Variants in RNF130 observed in about 807,000 individuals in gnomAD.
RNF130 encodes E3 ubiquitin-protein ligase RNF130.
In RNF130, 21 loss-of-function variants were observed where a neutral mutation model predicts 44.6. That is an observed-to-expected ratio of 0.47 (90% CI 0.33 to 0.68). RNF130 has a LOEUF of 0.68. Among genes scored for constraint, RNF130 ranks in the 30% least tolerant of loss-of-function variants. The probability of loss-of-function intolerance (pLI) is 0.02; values close to 1 mark genes in which losing one functional copy is unlikely to be tolerated. For missense variants in RNF130, 479 were observed against 560.6 expected, an observed-to-expected ratio of 0.85 and a Z score of 1.47; for synonymous variants, 214 against 210.4, an observed-to-expected ratio of 1.02 and a Z score of -0.15.
rs536417552 is a variant in RNF130, at chr5:179,967,405, T to C, written c.946-395A>G. Among the ~76,000 whole-genome samples, 6 of 152,314 alleles carry C rather than the reference T, an allele frequency of 3.9e-5. No homozygotes were observed. The South Asian group carries it at 1.2e-3, about 32-fold the overall frequency. Reference sequence around the variant, plus strand: ...ATCCCAGGTAATAGAAAACACCTCTTTCATCCTACTAACTTCTCTAAAAGC... The same window carrying C: ...ATCCCAGGTAATAGAAAACACCTCTCTCATCCTACTAACTTCTCTAAAAGC... On this transcript the variant is annotated intron_variant, in intron 6 of 8. Coordinates refer to ENST00000521389, the MANE Select transcript of RNF130 (RefSeq NM_018434.6).
At chr5:180,016,001 C>T (rs962125174) in intron 2 of RNF130, among the ~76,000 whole-genome samples, 3 of 152,176 alleles carry the variant, frequency 2.0e-5, no homozygotes, top group Non-Finnish European at 2.9e-5. Context: ...AAAATCCACA[C>T]GCCCTCAGGA....
At chr5:179,986,077 TATA>T (rs1201033576) in intron 3 of RNF130, among the ~76,000 whole-genome samples, 9 of 152,372 alleles carry the variant, frequency 5.9e-5, no homozygotes, top group Non-Finnish European at 7.3e-5. Flanking sequence ...TAAGTTGTCA[TATA>T]ATGACTTTTC....
chr5:180,049,199 T>G (rs996137233), intron 1 of RNF130, among the ~76,000 whole-genome samples: 2 of 152,096 alleles, frequency 1.3e-5, no homozygotes, highest in South Asian at 2.1e-4. Flanking sequence ...TCCAAGCGCT[T>G]TGACACAGGG....
At chr5:180,071,170 C>T (rs1424076343) in intron 1 of RNF130, among the ~76,000 whole-genome samples, 1 of 152,248 alleles carries the variant, frequency 6.6e-6, no homozygotes, top group Non-Finnish European at 1.5e-5. Flanking sequence ...TCTACGCTGT[C>T]CCTGCAAACT....
chr5:179,929,802 C>A (rs569115668), intron 7 of RNF130, among the ~76,000 whole-genome samples: 59 of 152,028 alleles, frequency 3.9e-4, no homozygotes, highest in Non-Finnish European at 8.1e-4. Flanking sequence ...ACACCCACAC[C>A]CACCCACTGG....
chr5:180,071,657 C>A lies in RNF130; in HGVS notation c.46G>T (p.Ala16Ser), dbSNP rs1361593114. 1 of 1,450,622 alleles carries A rather than the reference C, an allele frequency of 6.9e-7. No homozygotes were observed. 89.9% of individuals were successfully genotyped at this position (1,450,622 alleles called of 1,614,324 possible). A position where few individuals can be genotyped will look rare whatever the true frequency, so the allele number is the denominator to read the frequency against. The stretch of plus-strand genomic sequence containing the variant: ...GGCCACAGGCTGCAGGTCAGCAGGG[C>A]GAGCGCGGCGAGCCGGGCAGGGCCC... ...RAGPARLAAL[A>S]LLTCSLWPAR... Residue 16 changes from alanine to serine, a missense_variant, in exon 1 of 9, where the codon GCC becomes TCC. Ala to Ser is a moderately conservative substitution (Grantham distance 99). Around this residue, in one of 3 missense-constraint regions of RNF130, gnomAD observed 138 missense variants for 126.9 expected, o/e 1.09. Coordinates refer to ENST00000521389, the MANE Select transcript of RNF130 (RefSeq NM_018434.6).
chr5:179,958,517 A>G (rs1308306940), intron 8 of RNF130, among the ~76,000 whole-genome samples: 1 of 152,170 alleles, frequency 6.6e-6, no homozygotes, highest in Non-Finnish European at 1.5e-5. Flanking sequence ...ACAATTCAAG[A>G]GGGACCCTCA....
At chr5:180,050,910 C>A (rs1037703959) in intron 1 of RNF130, among the ~76,000 whole-genome samples, 5 of 152,078 alleles carry the variant, frequency 3.3e-5, no homozygotes, top group Non-Finnish European at 5.9e-5. Flanking sequence ...CTCAAGTAAT[C>A]CTCCCACCTC....
chr5:180,005,182 C>G (rs1233979489), intron 3 of RNF130, among the ~76,000 whole-genome samples: 4 of 152,180 alleles, frequency 2.6e-5, no homozygotes, highest in Non-Finnish European at 4.4e-5. Flanking sequence ...AATCCCAGCA[C>G]TTTGGGAGGC....
chr5:180,035,704 A>C (rs910364558), intron 2 of RNF130, among the ~76,000 whole-genome samples: 1 of 152,204 alleles, frequency 6.6e-6, no homozygotes, highest in African/African-American at 2.4e-5. Context: ...TGTGTCTGAC[A>C]GTGTCCCACA....
At chr5:180,037,118 A>G (rs904602934) in intron 2 of RNF130, among the ~76,000 whole-genome samples, 2 of 152,256 alleles carry the variant, frequency 1.3e-5, no homozygotes, top group Non-Finnish European at 2.9e-5. Context: ...ATCCACTGAC[A>G]GTTAACTGCT....
intron 2 of RNF130, among the ~76,000 whole-genome samples, chr5:180,028,449 G>A (rs1222906431): frequency 1.3e-5 from 2 of 152,108 alleles, no homozygotes; most frequent in South Asian, 2.1e-4. Context: ...TTTGATTCAT[G>A]TGGTTCGTCT....
chr5:179,922,264 TG>T (rs1167411407), intron 7 of RNF130, among the ~76,000 whole-genome samples: 1 of 149,470 alleles, frequency 6.7e-6, no homozygotes, highest in African/African-American at 2.6e-5. Context: ...TGAAGTGTTT[TG>T]TTCAAATCTT....
chr5:179,950,767 T>C (rs1477798436), downstream of RNF130, among the ~76,000 whole-genome samples: 1 of 152,164 alleles, frequency 6.6e-6, no homozygotes, highest in Non-Finnish European at 1.5e-5. Flanking sequence ...AGAAAGCACA[T>C]TAAGTTAGTA....
intron 7 of RNF130, among the ~76,000 whole-genome samples, chr5:179,947,894 G>GT (rs1188685098): frequency 6.6e-6 from 1 of 151,878 alleles, no homozygotes; most frequent in Non-Finnish European, 1.5e-5. Flanking sequence ...ATATATGCAT[G>GT]TAAGAATATG....
At chr5:180,019,898 C>T (rs921459790) in intron 2 of RNF130, among the ~76,000 whole-genome samples, 8 of 152,174 alleles carry the variant, frequency 5.3e-5, no homozygotes, top group East Asian at 3.9e-4. Flanking sequence ...AGTCACGGAA[C>T]GGTGAACACT....
chr5:179,924,062 A>G (rs1001366280), intron 7 of RNF130, among the ~76,000 whole-genome samples: 7 of 152,170 alleles, frequency 4.6e-5, no homozygotes, highest in Admixed American at 4.6e-4. Context: ...AATTGGCATG[A>G]AGTCCAGCTT....
chr5:179,999,603 T>C (rs1470195212), intron 3 of RNF130, among the ~76,000 whole-genome samples: 2 of 151,934 alleles, frequency 1.3e-5, no homozygotes, highest in African/African-American at 4.8e-5. Context: ...GCACCTGTAA[T>C]CTATTCAGGA....
In RNF130 at chr5:180,040,637, A is replaced by T. The variant is rs770664735; in HGVS notation, c.258T>A (p.His86Gln). The T allele has an allele frequency of 6.2e-7, 1 of 1,611,628 alleles. No homozygotes were observed. The highest frequency in any genetic ancestry group is 1.7e-5 in the Admixed American group (1 of 59,430). ...APLPLHGVAD[H>Q]LGCDPQTRFF... Reference sequence around the variant, plus strand: ...ACCGGGTTTGTGGATCACAGCCCAGATGATCAGCAACTGAAAAGAAAAAGA... The same window carrying T: ...ACCGGGTTTGTGGATCACAGCCCAGTTGATCAGCAACTGAAAAGAAAAAGA... The change falls in exon 2 of 9, where the codon CAT (histidine) becomes CAA (glutamine). Residue 86 changes from histidine (H) to glutamine (Q), a missense_variant. Transcript: ENST00000521389.
Sources: allele counts gnomAD v4.1 joint callset (sites outside exome capture counted in the v4.1 genomes callset), GRCh38; gene constraint gnomAD v4.1.1; regional missense constraint gnomAD v4.1.1; transcripts MANE v1.5; gene names NCBI Gene and HGNC (gene_info 2026-07-23, HGNC 2026-07-21).